The following TMEM165 variants were observed in gnomAD, a reference collection of about 807,000 sequenced individuals.
The protein encoded by TMEM165 is putative divalent cation/proton antiporter TMEM165.
TMEM165 carries 19 observed loss-of-function variants against 30.0 expected under a neutral mutation model. The ratio of observed to expected loss-of-function variants is 0.63; its 90% confidence interval spans 0.44 to 0.93. TMEM165 has a LOEUF of 0.93. TMEM165 is among the 40% of genes least tolerant of loss of function. The pLI is 0.00. For missense variants in TMEM165, 340 were observed against 417.0 expected (o/e 0.82, Z 1.61); for synonymous variants, 168 against 162.9 (o/e 1.03, Z -0.24).
intron 3 of TMEM165, chr4:55,432,773 A>G (rs900287876): frequency 6.6e-6 from 1 of 152,132 alleles, no homozygotes; most frequent in African/African-American, 2.4e-5. Context: ...TAAATTAGCA[A>G]TGGTTAATTC....
intron 3 of TMEM165, chr4:55,435,224 C>T: frequency 3.1e-6 from 2 of 643,196 alleles, no homozygotes; most frequent in South Asian, 3.7e-5. Flanking sequence ...TCACCTCCTG[C>T]TGGCTGGTAT....
rs372064871 is a variant in TMEM165, at chr4:55,424,561, T to G, written c.816T>G (p.Gly272=). Residue 272 remains glycine (G), a synonymous_variant, in exon 5 of 6, where the codon GGT becomes GGG. Coordinates refer to ENST00000381334, the MANE Select transcript of TMEM165 (RefSeq NM_018475.5). ...AGGACCCCTATGGTGTAGCCGTGGG[T>G]GGAACTGTGGGGCACTGCCTGTGCA... The part of the protein sequence containing the change: ...AREDPYGVAV[G]GTVGHCLCTG... The G allele has an allele frequency of 2.9e-5, 46 of 1,613,568 alleles. No homozygotes were observed. In the East Asian group the frequency reaches 7.4e-4, roughly 26 times the overall value.
intron 1 of TMEM165, among the ~76,000 whole-genome samples, chr4:55,401,260 C>A (rs1483807372): frequency 2.0e-5 from 3 of 150,646 alleles, no homozygotes; most frequent in African/African-American, 7.5e-5. Flanking sequence ...AGATTAACCC[C>A]CAATTTACAA....
intron 4 of TMEM165, chr4:55,423,889 TTGTC>T (rs1267781785): frequency 6.7e-6 from 1 of 149,000 alleles, no homozygotes; most frequent in African/African-American, 2.4e-5. Flanking sequence ...CTGCAGCTGG[TTGTC>T]TGGTACTGCT....
chr4:55,448,578 A>G (rs1391116068), intron 3 of TMEM165, among the ~76,000 whole-genome samples: 1 of 146,106 alleles, frequency 6.8e-6, no homozygotes, highest in Non-Finnish European at 1.5e-5. Flanking sequence ...CTATAATTAT[A>G]TATGTGCGCG....
At chr4:55,415,120 A>T (rs1371574157) in intron 2 of TMEM165, among the ~76,000 whole-genome samples, 2 of 152,188 alleles carry the variant, frequency 1.3e-5, no homozygotes, top group African/African-American at 4.8e-5. Context: ...TAGATCTTTC[A>T]TTGATGCTTG....
At chr4:55,402,700 G>A (rs1447224462) in intron 1 of TMEM165, among the ~76,000 whole-genome samples, 8 of 144,418 alleles carry the variant, frequency 5.5e-5, no homozygotes, top group Middle Eastern at 3.3e-3. Context: ...CACCTACCAC[G>A]CCTCCCAAGT....
intron 3 of TMEM165, 90 bp from the exon 4 acceptor site, chr4:55,417,713 G>T: frequency 9.1e-7 from 1 of 1,099,562 alleles, no homozygotes; most frequent in Non-Finnish European, 1.3e-6. Flanking sequence ...ATATTTCATA[G>T]AATTTAAACA....
intron 1 of TMEM165, among the ~76,000 whole-genome samples, chr4:55,410,971 C>A (rs933558314): frequency 6.6e-6 from 1 of 151,892 alleles, no homozygotes; most frequent in Non-Finnish European, 1.5e-5. Flanking sequence ...CCTGTCTTGA[C>A]TAAAAATACA....
Position 55,438,519 on chromosome 4 carries a change from T to C in TMEM165, c.409-13720T>C, listed in dbSNP as rs1723076306. 4 of 1,613,510 alleles carry C rather than the reference T, an allele frequency of 2.5e-6. No homozygotes were observed. The East Asian group carries it at 6.7e-5, about 27-fold the overall frequency. On this transcript the variant is annotated intron_variant, in intron 3 of 3. Transcript: ENST00000608091. Reference sequence around the variant, plus strand: ...GAGCAGTCACTAATTTGGTCACAAGTTGTTGACCTTGAGAAAATCTGTTAG... The same window carrying C: ...GAGCAGTCACTAATTTGGTCACAAGCTGTTGACCTTGAGAAAATCTGTTAG...
intron 4 of TMEM165, among the ~76,000 whole-genome samples, chr4:55,418,631 C>T (rs1464450633): frequency 2.0e-5 from 3 of 152,090 alleles, no homozygotes; most frequent in Non-Finnish European, 4.4e-5. Context: ...TAGAAACAGC[C>T]TAATAATCCA....
intron 3 of TMEM165, chr4:55,435,534 G>C: frequency 6.2e-7 from 1 of 1,614,068 alleles, no homozygotes; most frequent in Non-Finnish European, 8.5e-7. Flanking sequence ...CTCTGTTGTA[G>C]AGGAAATGCA....
intron 5 of TMEM165, 192 bp downstream of exon 5, chr4:55,424,835 A>G (rs1428018091): frequency 3.8e-6 from 2 of 530,220 alleles, no homozygotes; most frequent in African/African-American, 1.9e-5. Flanking sequence ...AGTTAGCAAA[A>G]TACAAAGTCA....
chr4:55,417,070 A>G lies in TMEM165; in HGVS notation c.434-2A>G. The G allele has an allele frequency of 6.3e-7, 1 of 1,587,106 alleles. No individual in the cohort carries two copies. The highest frequency in any genetic ancestry group is 8.5e-7 in the Non-Finnish European group (1 of 1,169,622). Reference sequence around the variant, plus strand: ...ACAAACATACTGTTGTATTTTTTCCAGTTTTGTTTGGCTATGCCACCACAG... The same window carrying G: ...ACAAACATACTGTTGTATTTTTTCCGGTTTTGTTTGGCTATGCCACCACAG... On this transcript the variant is annotated splice_acceptor_variant, in intron 2 of 5. Transcript: ENST00000381334. LOFTEE classifies it high-confidence loss of function.
At chr4:55,444,879 T>C (rs1560417924) in intron 3 of TMEM165, 7 of 1,281,914 alleles carry the variant, frequency 5.5e-6, no homozygotes, top group Non-Finnish European at 7.7e-6. Context: ...ATAACATGAG[T>C]GAAGGATGAT....
chr4:55,450,662 C>G (rs4864993), intron 3 of TMEM165, among the ~76,000 whole-genome samples: 51,301 of 151,798 alleles, frequency 0.34, 9,359 homozygotes, highest in East Asian at 0.59. Flanking sequence ...CCAGCTACTC[C>G]GGCGGCTGAG....
chr4:55,431,096 T>C (rs1722471134), downstream of TMEM165: 1 of 152,218 alleles, frequency 6.6e-6, no homozygotes, highest in Admixed American at 6.5e-5. Flanking sequence ...AAATGAGTAA[T>C]TGCAATAAAG....
chr4:55,426,493 C>T (rs896609323), downstream of TMEM165, among the ~76,000 whole-genome samples: 3 of 152,190 alleles, frequency 2.0e-5, no homozygotes, highest in African/African-American at 7.2e-5. Context: ...TCGTCACCCT[C>T]GTTTGAGTAT....
intron 2 of TMEM165, chr4:55,412,106 CAGTT>C: frequency 6.3e-6 from 3 of 479,910 alleles, no homozygotes; most frequent in Non-Finnish European, 1.1e-5. Context: ...TAAAGTAAGA[CAGTT>C]AGGGCTGGGC....
Sources: allele counts gnomAD v4.1 joint callset (sites outside exome capture counted in the v4.1 genomes callset), GRCh38; gene constraint gnomAD v4.1.1; transcripts MANE v1.5; gene names NCBI Gene and HGNC (gene_info 2026-07-23, HGNC 2026-07-21).